Variants in RAPGEF3 observed in about 807,000 individuals in gnomAD.
RAPGEF3 encodes Rap guanine nucleotide exchange factor 3.
RAPGEF3 carries 103 observed loss-of-function variants against 129.8 expected under a neutral mutation model. The ratio of observed to expected loss-of-function variants is 0.79; its 90% CI spans 0.68 to 0.93. The LOEUF is 0.93. Among genes scored for constraint, RAPGEF3 ranks in the 40% least tolerant of loss-of-function variants. RAPGEF3 has a pLI of 0.00. For missense variants in RAPGEF3, 1,117 were observed against 1,207.4 expected (o/e 0.93, Z 1.11); for synonymous variants, 436 against 482.6 (o/e 0.90, Z 1.26).
In RAPGEF3 at chr12:47,749,937, C is replaced by T; in HGVS notation, c.810G>A (p.Gly270=). ...ATGCCCTGCTGGACTTACACACGGT[C>T]CCTGCCTTGCTGTGTGGTTCAAAGA... ...VLLFEPHSKA[G]TVLFSQGDKG... is the part of the protein sequence containing the mutation. Residue 270 remains glycine (G), a synonymous_variant, in exon 8 of 28, where the codon GGG becomes GGA. Coordinates refer to ENST00000449771, the MANE Select transcript of RAPGEF3 (RefSeq NM_001098531.4). This position sits in a 1 kb window ranked among gnomAD's most constrained non-coding sequence, Gnocchi z 4.5. The T allele has an allele frequency of 1.2e-6, 2 of 1,614,246 alleles. No individual in the cohort carries two copies. The highest frequency in any genetic ancestry group is 1.7e-6 in the Non-Finnish European group (2 of 1,180,052).
At position 47,736,082 on chromosome 12, in the gene RAPGEF3, T is replaced by C. The variant is rs1411051947; in HGVS notation, c.*1485A>G. 1 of 152,124 alleles carries C rather than the reference T, an allele frequency of 6.6e-6. No homozygotes were observed. Among genetic ancestry groups the C allele is most frequent in the Non-Finnish European group, 1.5e-5 (1 of 68,042 alleles). 9.4% of individuals were successfully genotyped at this position (152,124 alleles called of 1,614,324 possible). ...TCTGCTACAGAGGCAGGAGCTACAG[T>C]TTTATGTGTTTGTCACTAAGCGCTG... is the stretch of plus-strand genomic sequence containing the variant. On this transcript the variant is annotated 3_prime_UTR_variant, in exon 28 of 28. Transcript: ENST00000449771.
Position 47,737,550 on chromosome 12 carries a change from C to T in RAPGEF3, c.*17G>A, listed in dbSNP as rs377542919. On this transcript the variant is annotated 3_prime_UTR_variant, in exon 28 of 28. Coordinates refer to ENST00000449771, the MANE Select transcript of RAPGEF3 (RefSeq NM_001098531.4). The stretch of plus-strand genomic sequence containing the variant: ...CCGGCTGCAAGTGCCTGCTCCAGCT[C>T]CAGTCCCAGCCCCTCCTCATGGCTC... 3.7e-6 allele frequency: 6 copies of T among 1,606,686 alleles called. No homozygotes were observed. Among genetic ancestry groups the T allele is most frequent in the Non-Finnish European group, 4.3e-6 (5 of 1,176,040 alleles).
At position 47,739,155 on chromosome 12, in the gene RAPGEF3, G is replaced by T. The variant is rs1258583441; in HGVS notation, c.2449C>A (p.Leu817Ile). Residue 817 changes from leucine to isoleucine, a missense_variant, in exon 24 of 28, where the codon CTT (leucine) becomes ATT (isoleucine). Physicochemically the swap from Leu to Ile is conservative, Grantham distance 5 (BLOSUM62 2). Transcript: ENST00000449771. Reference sequence around the variant, plus strand: ...GAAGCCCTGTTACCTTTGAGAAGAAGGGGCATGAAGGGGATGACAGGAGGG... The same window carrying T: ...GAAGCCCTGTTACCTTTGAGAAGAATGGGCATGAAGGGGATGACAGGAGGG... ...LSPPVIPFMP[L>I]LLKDMTFIHE... 2.5e-6 allele frequency: 4 copies of T among 1,599,738 alleles called. No individual in the cohort carries two copies. The East Asian group carries it at 8.9e-5, about 36-fold the overall frequency.
chr12:47,747,042 G>C, intron 15 of RAPGEF3, 143 bp from the exon 16 acceptor site: 1 of 783,462 alleles, frequency 1.3e-6, no homozygotes, highest in South Asian at 1.7e-5. Context: ...CATAAAGAGG[G>C]GAGAACACGG....
At position 47,751,835 on chromosome 12, in the gene RAPGEF3, A is replaced by G; in HGVS notation, c.274-6T>C. ...AGCACCCGCTCTGTGGAGGCCTTAG[A>G]GGGAGGAAGGGCACAGCAGTTCAGG... On this transcript the variant is annotated splice_region_variant and splice_polypyrimidine_tract_variant and intron_variant, in intron 3 of 27. Coordinates refer to ENST00000449771, the MANE Select transcript of RAPGEF3 (RefSeq NM_001098531.4). The G allele has an allele frequency of 1.2e-6, 2 of 1,614,170 alleles. No individual in the cohort carries two copies. The highest frequency in any genetic ancestry group is 1.7e-6 in the Non-Finnish European group (2 of 1,180,020).
intron 15 of RAPGEF3, 21 bp downstream of exon 15, chr12:47,747,523 T>C (rs1434602407): frequency 6.2e-7 from 1 of 1,609,932 alleles, no homozygotes; most frequent in African/African-American, 1.3e-5. Context: ...AAATGACAAA[T>C]TAACAGAGTC....
rs772956322 is a variant in RAPGEF3, at chr12:47,751,102, G to T, written c.617C>A (p.Ala206Asp). 3 of 1,587,916 alleles carry T rather than the reference G, an allele frequency of 1.9e-6. No homozygotes were observed. The South Asian group carries it at 3.5e-5, about 18-fold the overall frequency. Residue 206 changes from alanine to aspartate, a missense_variant, in exon 6 of 28, where the codon GCC (alanine) becomes GAC (aspartate). This residue lies in a region of RAPGEF3 where 367 missense variants were observed against 373.4 expected (regional missense o/e 0.98). Transcript: ENST00000449771. ...EMEEELAEAV[A>D]LLSQRGPDAL... ...GTCAGGCCCCCGCTGGGAGAGCAGG[G>T]CCACAGCTTCGGCCAACTCCTCCTC... is the stretch of plus-strand genomic sequence containing the variant.
chr12:47,743,436 A>AGATGACAAT (rs1379106854), intron 18 of RAPGEF3, 94 bp downstream of exon 18: 1 of 1,463,254 alleles, frequency 6.8e-7, no homozygotes, highest in Non-Finnish European at 9.3e-7. Flanking sequence ...AAGACCAGAA[A>AGATGACAAT]GATGACAATG....
chr12:47,739,998 C>T (rs771084771), intron 23 of RAPGEF3, 143 bp downstream of exon 23: 1 of 1,003,860 alleles, frequency 1.0e-6, no homozygotes, highest in African/African-American at 1.6e-5. Context: ...TGGAGCTAGG[C>T]CCTGGGCCGA....
intron 16 of RAPGEF3, 94 bp from the exon 17 acceptor site, chr12:47,744,162 C>T (rs550003269): frequency 2.4e-5 from 25 of 1,062,796 alleles, no homozygotes; most frequent in East Asian, 1.3e-4. Flanking sequence ...ACCAGGAGCA[C>T]GGGCGCCACA....
intron 2 of RAPGEF3, among the ~76,000 whole-genome samples, chr12:47,754,331 G>A (rs949707819): frequency 6.6e-6 from 1 of 152,262 alleles, no homozygotes; most frequent in African/African-American, 2.4e-5. Flanking sequence ...AAACCACTGG[G>A]TTAGACAAAG....
Position 47,737,654 on chromosome 12 carries a change from T to A in RAPGEF3, c.2685A>T (p.Pro895=). 6.2e-7 allele frequency: 1 copy of A among 1,613,240 alleles called. No homozygotes were observed. The highest frequency in any genetic ancestry group is 1.3e-5 in the African/African-American group (1 of 75,048). ...CSEQSLSTRS[P]ASTWAYVQQL... Reference sequence around the variant, plus strand: ...GCTGGACATAAGCCCAGGTGCTGGCTGGACTCCGGGTGCTCAGGGACTGCT... The same window carrying A: ...GCTGGACATAAGCCCAGGTGCTGGCAGGACTCCGGGTGCTCAGGGACTGCT... The change falls in exon 28 of 28, where the codon CCA becomes CCT. Residue 895 remains proline (P), a synonymous_variant. Transcript: ENST00000449771.
chr12:47,751,652 G>A (rs1941757989), intron 4 of RAPGEF3, 71 bp downstream of exon 4: 5 of 1,600,368 alleles, frequency 3.1e-6, no homozygotes, highest in Non-Finnish European at 4.3e-6. Flanking sequence ...TGAGGCCCAG[G>A]TGCCTGACAT....
intron 1 of RAPGEF3, 148 bp downstream of exon 1, chr12:47,758,403 C>A: frequency 6.5e-7 from 1 of 1,532,704 alleles, no homozygotes; most frequent in South Asian, 1.3e-5. Flanking sequence ...TTCACTAGGT[C>A]TCCCAGAAAT....
Position 47,749,765 on chromosome 12 carries a change from A to G in RAPGEF3, c.870T>C (p.Ser290=). The change falls in exon 9 of 28, where the codon TCT becomes TCC. Residue 290 remains serine (S), a synonymous_variant. Transcript: ENST00000449771. This position sits in a 1 kb window ranked among gnomAD's most constrained non-coding sequence, Gnocchi z 4.5. The part of the protein sequence containing the change: ...GTSWYIIWKG[S]VNVVTHGKGL... ...CCTTGCCATGGGTCACCACGTTGAC[A>G]GATCCCTTCCAGATAATGTACCACG... 6.2e-7 allele frequency: 1 copy of G among 1,614,232 alleles called. No homozygotes were observed. Among genetic ancestry groups the G allele is most frequent in the Non-Finnish European group, 8.5e-7 (1 of 1,180,036 alleles).
intron 16 of RAPGEF3, chr12:47,746,216 G>A: frequency 5.2e-6 from 1 of 191,600 alleles, no homozygotes; most frequent in Non-Finnish European, 1.1e-5. Context: ...CGCCTGCGGA[G>A]GAGAAGAAGC....
chr12:47,756,525 T>C (rs1942061987), intron 2 of RAPGEF3: 1 of 152,040 alleles, frequency 6.6e-6, no homozygotes. Flanking sequence ...ACATGTGGAC[T>C]CTCCTCTCAA....
intron 16 of RAPGEF3, chr12:47,744,489 A>G: frequency 4.8e-6 from 1 of 210,414 alleles, no homozygotes; most frequent in Non-Finnish European, 9.7e-6. Flanking sequence ...CATTTTATGG[A>G]TGAAATAAAT....
Position 47,749,254 on chromosome 12 carries a change from C to T in RAPGEF3, c.1041+136G>A. 2.7e-6 allele frequency: 3 copies of T among 1,106,164 alleles called. 1 individual carries two copies. Among genetic ancestry groups the T allele is most frequent in the Non-Finnish European group, 4.0e-6 (3 of 748,812 alleles). 68.5% of individuals were successfully genotyped at this position (1,106,164 alleles called of 1,614,324 possible). A position where few individuals can be genotyped will look rare whatever the true frequency, so the allele number is the denominator to read the frequency against. ...TCACACACACCCAGGGCTATGGTCC[C>T]ACTGCCAGCTGTCATAGCCCAGCAT... On this transcript the variant is annotated intron_variant, in intron 10 of 27. Coordinates refer to ENST00000449771, the MANE Select transcript of RAPGEF3 (RefSeq NM_001098531.4). The surrounding 1 kb of genome is among the most constrained non-coding windows in gnomAD (Gnocchi z 4.5).
Sources: allele counts gnomAD v4.1 joint callset (sites outside exome capture counted in the v4.1 genomes callset), GRCh38; gene constraint gnomAD v4.1.1; regional missense constraint gnomAD v4.1.1; non-coding constraint Gnocchi (gnomAD v3.1); transcripts MANE v1.5; gene names NCBI Gene and HGNC (gene_info 2026-07-23, HGNC 2026-07-21).